Variants in SEMA3E observed in about 807,000 individuals in gnomAD.
SEMA3E encodes the protein semaphorin-3E.
A neutral mutation model predicts 93.6 loss-of-function variants in SEMA3E; 49 were observed. That is an observed-to-expected ratio of 0.52 (90% confidence interval 0.42 to 0.66). The LOEUF (loss-of-function observed/expected upper bound fraction) is 0.66. Among genes scored for constraint, SEMA3E ranks in the 30% least tolerant of loss-of-function variants. The pLI, the probability that SEMA3E is intolerant of heterozygous loss-of-function variation, is 0.00. For missense variants in SEMA3E, 906 were observed against 964.8 expected, an observed-to-expected ratio of 0.94 and a Z score of 0.81; for synonymous variants, 363 against 330.7, an observed-to-expected ratio of 1.10 and a Z score of -1.06.
At chr7:83,377,010 T>A (rs1010719819) in intron 16 of SEMA3E, among the ~76,000 whole-genome samples, 1 of 151,954 alleles carries the variant, frequency 6.6e-6, no homozygotes, top group Admixed American at 6.6e-5. Flanking sequence ...TAGATGATAT[T>A]TTATGTGTCT....
intron 1 of SEMA3E, among the ~76,000 whole-genome samples, chr7:83,596,140 A>G (rs1792867889): frequency 6.6e-6 from 1 of 152,040 alleles, no homozygotes; most frequent in African/African-American, 2.4e-5. Flanking sequence ...TTATATTATT[A>G]TTTGGGTTAT....
intron 4 of SEMA3E, among the ~76,000 whole-genome samples, chr7:83,465,127 G>T (rs888831586): frequency 6.6e-6 from 1 of 151,966 alleles, no homozygotes; most frequent in Non-Finnish European, 1.5e-5. Context: ...CCTTGTGAAA[G>T]TCCTTCTCCT....
At chr7:83,600,685 A>C (rs1792976640) in intron 1 of SEMA3E, among the ~76,000 whole-genome samples, 1 of 151,586 alleles carries the variant, frequency 6.6e-6, no homozygotes, top group African/African-American at 2.4e-5. Flanking sequence ...AATCTCAAGA[A>C]ACTTTAAGAT....
At chr7:83,514,676 T>C (rs1790892047) in intron 1 of SEMA3E, among the ~76,000 whole-genome samples, 1 of 152,140 alleles carries the variant, frequency 6.6e-6, no homozygotes, top group South Asian at 2.1e-4. Flanking sequence ...AATTGGAAAG[T>C]ATCCAAATTG....
intron 4 of SEMA3E, among the ~76,000 whole-genome samples, chr7:83,443,733 T>G (rs1281832857): frequency 6.6e-6 from 1 of 152,030 alleles, no homozygotes; most frequent in African/African-American, 2.4e-5. Context: ...CAAAAAAAAT[T>G]TAAAGAGTAT....
At chr7:83,627,302 G>A (rs890170264) in intron 1 of SEMA3E, among the ~76,000 whole-genome samples, 6 of 152,110 alleles carry the variant, frequency 3.9e-5, no homozygotes, top group African/African-American at 1.4e-4. Flanking sequence ...TGACAGTGGG[G>A]TGTTAAAGTC....
chr7:83,442,820 C>G (rs1031634844), intron 4 of SEMA3E, among the ~76,000 whole-genome samples: 1 of 152,156 alleles, frequency 6.6e-6, no homozygotes, highest in African/African-American at 2.4e-5. Flanking sequence ...TCTATGCCCC[C>G]CATGAGGAAG....
intron 1 of SEMA3E, among the ~76,000 whole-genome samples, chr7:83,530,103 G>A (rs1208698699): frequency 1.3e-5 from 2 of 152,128 alleles, no homozygotes; most frequent in Non-Finnish European, 2.9e-5. Flanking sequence ...TCATTGATGA[G>A]AAGGAAACTT....
intron 4 of SEMA3E, among the ~76,000 whole-genome samples, chr7:83,435,377 T>C (rs1341186213): frequency 6.6e-6 from 1 of 152,102 alleles, no homozygotes; most frequent in African/African-American, 2.4e-5. Context: ...GCAGATCACC[T>C]GAGGTCAGGA....
chr7:83,499,969 A>T (rs987337131), intron 1 of SEMA3E, among the ~76,000 whole-genome samples: 1 of 152,320 alleles, frequency 6.6e-6, no homozygotes, highest in East Asian at 1.9e-4. Context: ...TGTGGGGATA[A>T]GAAATGTGTG....
chr7:83,513,602 A>C (rs1790868610), intron 1 of SEMA3E, among the ~76,000 whole-genome samples: 2 of 152,180 alleles, frequency 1.3e-5, no homozygotes, highest in Non-Finnish European at 1.5e-5. Flanking sequence ...TTAGCTTTAA[A>C]GGCAACATTA....
At chr7:83,412,215 T>C (rs1788450978) in intron 5 of SEMA3E, among the ~76,000 whole-genome samples, 1 of 152,156 alleles carries the variant, frequency 6.6e-6, no homozygotes, top group South Asian at 2.1e-4. Context: ...CCAAACTTTT[T>C]TAGTGTAGTG....
rs556332811 is a variant in SEMA3E at position 83,508,613 on chromosome 7, C to T, written c.116-18339G>A. ...TTACTGGCAGAAGTTGTAACTCCTT[C>T]TATAAAATCAATTATATTTGCAATA... On this transcript the variant is annotated intron_variant, in intron 1 of 16. Transcript: ENST00000643230. Among the ~76,000 whole-genome samples, 7 of 152,234 alleles carry T rather than the reference C, an allele frequency of 4.6e-5. No homozygotes were observed. The South Asian group carries it at 1.5e-3, about 32-fold the overall frequency.
At chr7:83,374,246 T>C (rs1319691559) in intron 16 of SEMA3E, among the ~76,000 whole-genome samples, 1 of 144,172 alleles carries the variant, frequency 6.9e-6, no homozygotes, top group East Asian at 2.0e-4. Context: ...AGAAAGAAAT[T>C]CAAATTTAAA....
chr7:83,572,217 G>A (rs1230367906), intron 1 of SEMA3E, among the ~76,000 whole-genome samples: 1 of 151,600 alleles, frequency 6.6e-6, no homozygotes, highest in South Asian at 2.1e-4. Context: ...GCAGAAGTAG[G>A]AAAAAATTCT....
intron 1 of SEMA3E, among the ~76,000 whole-genome samples, chr7:83,552,777 AT>A (rs1487685170): frequency 6.6e-6 from 1 of 152,030 alleles, no homozygotes; most frequent in Non-Finnish European, 1.5e-5. Flanking sequence ...ACCCTGGCAA[AT>A]TTGTGGTCAG....
chr7:83,457,306 A>C (rs2115842430), intron 4 of SEMA3E, among the ~76,000 whole-genome samples: 1 of 152,308 alleles, frequency 6.6e-6, no homozygotes, highest in African/African-American at 2.4e-5. Context: ...TATTCTGAGA[A>C]CACCCTCTCC....
At chr7:83,371,342 T>C (rs543547461) in intron 16 of SEMA3E, among the ~76,000 whole-genome samples, 3 of 152,250 alleles carry the variant, frequency 2.0e-5, no homozygotes, top group Non-Finnish European at 4.4e-5. Context: ...AATAAAGTGT[T>C]GGGAGGATGG....
intron 4 of SEMA3E, among the ~76,000 whole-genome samples, chr7:83,459,574 G>T (rs1789566469): frequency 1.3e-5 from 2 of 152,022 alleles, no homozygotes; most frequent in Non-Finnish European, 2.9e-5. Flanking sequence ...CCTCTGCATT[G>T]TTTCTTTAAA....
Sources: gnomAD v4.1 joint callset for allele counts (sites outside exome capture counted in the v4.1 genomes callset) on GRCh38, gnomAD v4.1.1 for gene constraint, MANE v1.5 for transcripts, NCBI Gene and HGNC (gene_info 2026-07-23, HGNC 2026-07-21) for gene names.